EDIL3: variants seen among roughly 807,000 people sequenced by gnomAD.
EDIL3 encodes the protein EGF like and discoidin domains 3.
Under a neutral mutation model 67.4 loss-of-function variants are expected in EDIL3, and 37 were observed. That is an observed-to-expected ratio of 0.55 (90% CI 0.42 to 0.72). The LOEUF is 0.72. Among genes scored for constraint, EDIL3 ranks in the 30% least tolerant of loss-of-function variants. The probability of loss-of-function intolerance (pLI) is 0.00; values close to 1 mark genes in which losing one functional copy is unlikely to be tolerated. For missense variants in EDIL3, 527 were observed against 586.3 expected, an observed-to-expected ratio of 0.90 and a Z score of 1.04; for synonymous variants, 195 against 196.3, an observed-to-expected ratio of 0.99 and a Z score of 0.05.
At chr5:84,382,799 G>A (rs1256485663) in intron 1 of EDIL3, among the ~76,000 whole-genome samples, 1 of 152,046 alleles carries the variant, frequency 6.6e-6, no homozygotes, top group Non-Finnish European at 1.5e-5. Flanking sequence ...CCTATTAACT[G>A]GAAGGGCACT....
chr5:84,260,937 C>A (rs1561238223), intron 1 of EDIL3, among the ~76,000 whole-genome samples: 1 of 152,188 alleles, frequency 6.6e-6, no homozygotes, highest in Non-Finnish European at 1.5e-5. Context: ...CATTGCAATA[C>A]ATACTTACAT....
At chr5:84,330,986 G>A (rs1414525297) in intron 1 of EDIL3, among the ~76,000 whole-genome samples, 3 of 152,216 alleles carry the variant, frequency 2.0e-5, no homozygotes, top group Non-Finnish European at 4.4e-5. Context: ...TGGAGTCAAA[G>A]AAGATCATTT....
rs535702041 is a variant in EDIL3 at position 84,049,787 on chromosome 5, G to C, written c.1137+10513C>G. On this transcript the variant is annotated intron_variant, in intron 9 of 10. Coordinates refer to ENST00000296591, the MANE Select transcript of EDIL3 (RefSeq NM_005711.5). ...ACACAGAGGTCTGAGAAATGCCTCT[G>C]TTTAGGGCTGCCTGAGGCCCTCACA... Among the ~76,000 whole-genome samples the C allele has an allele frequency of 2.0e-5, 3 of 152,244 alleles. No homozygotes were observed. In the South Asian group the frequency reaches 6.2e-4, roughly 32 times the overall value.
chr5:84,139,838 A>G (rs1748158792), intron 4 of EDIL3, among the ~76,000 whole-genome samples: 2 of 152,188 alleles, frequency 1.3e-5, no homozygotes, highest in Non-Finnish European at 2.9e-5. Context: ...TATAGATGAC[A>G]GTCAATTTCC....
chr5:83,954,231 T>C (rs1452347591), intron 10 of EDIL3, among the ~76,000 whole-genome samples: 1 of 151,700 alleles, frequency 6.6e-6, no homozygotes, highest in East Asian at 1.9e-4. Context: ...ATATTAGTTG[T>C]TTGGTGATTA....
intron 4 of EDIL3, among the ~76,000 whole-genome samples, chr5:84,152,762 T>A (rs1748420219): frequency 1.3e-5 from 2 of 152,184 alleles, no homozygotes; most frequent in Non-Finnish European, 2.9e-5. Context: ...AGCTACAGAG[T>A]TATCTTTAGA....
chr5:84,189,749 A>ATATACATT (rs1179570674), intron 3 of EDIL3, among the ~76,000 whole-genome samples: 1 of 152,064 alleles, frequency 6.6e-6, no homozygotes, highest in Non-Finnish European at 1.5e-5. Flanking sequence ...GTTATTCTGC[A>ATATACATT]TATACATTTT....
At chr5:83,983,780 T>G (rs1745012899) in intron 9 of EDIL3, among the ~76,000 whole-genome samples, 2 of 147,938 alleles carry the variant, frequency 1.4e-5, no homozygotes, top group South Asian at 2.1e-4. Flanking sequence ...TCAATCTGAG[T>G]TTAAATCAAG....
At chr5:84,241,907 C>A (rs915058706) in intron 2 of EDIL3, among the ~76,000 whole-genome samples, 2 of 152,056 alleles carry the variant, frequency 1.3e-5, no homozygotes, top group Admixed American at 1.3e-4. Context: ...AAGATCCTTA[C>A]ATATATTGAA....
chr5:84,140,591 C>T (rs1041535753), intron 4 of EDIL3, among the ~76,000 whole-genome samples: 3 of 141,252 alleles, frequency 2.1e-5, no homozygotes, highest in African/African-American at 8.0e-5. Flanking sequence ...CACCTTTACC[C>T]AGAGGTTAAG....
At chr5:84,091,077 A>T (rs528853042) in intron 6 of EDIL3, among the ~76,000 whole-genome samples, 2 of 152,346 alleles carry the variant, frequency 1.3e-5, no homozygotes, top group Admixed American at 1.3e-4. Context: ...CCCTCAAAAT[A>T]AAAGGGAACT....
chr5:84,032,831 T>C (rs530314581), intron 9 of EDIL3, among the ~76,000 whole-genome samples: 1 of 152,338 alleles, frequency 6.6e-6, no homozygotes, highest in South Asian at 2.1e-4. Context: ...CAATATGCTG[T>C]TATGTTTCTC....
At chr5:84,234,115 T>C (rs557905032) in intron 2 of EDIL3, among the ~76,000 whole-genome samples, 28 of 152,294 alleles carry the variant, frequency 1.8e-4, no homozygotes, top group African/African-American at 6.7e-4. Context: ...TTAGAATGCA[T>C]AAGAAATTAA....
chr5:84,248,613 G>A (rs1250816340), intron 2 of EDIL3, among the ~76,000 whole-genome samples: 1 of 152,066 alleles, frequency 6.6e-6, no homozygotes, highest in African/African-American at 2.4e-5. Flanking sequence ...CTTAGATAAT[G>A]TCTATCAAAT....
intron 1 of EDIL3, among the ~76,000 whole-genome samples, chr5:84,311,751 G>C (rs1256960414): frequency 6.6e-6 from 1 of 151,996 alleles, no homozygotes; most frequent in East Asian, 1.9e-4. Flanking sequence ...ATTAGGGAGT[G>C]GTGATGACTC....
intron 9 of EDIL3, among the ~76,000 whole-genome samples, chr5:84,035,569 T>TA (rs1161856075): frequency 7.2e-5 from 11 of 152,198 alleles, no homozygotes; most frequent in Admixed American, 2.6e-4. Flanking sequence ...ATGCAATCAC[T>TA]TTATTTAAAA....
At chr5:83,982,516 T>C (rs1744987196) in intron 9 of EDIL3, among the ~76,000 whole-genome samples, 1 of 152,120 alleles carries the variant, frequency 6.6e-6, no homozygotes, top group Non-Finnish European at 1.5e-5. Flanking sequence ...AAATATTTCC[T>C]CCTTTTTCTG....
intron 1 of EDIL3, among the ~76,000 whole-genome samples, chr5:84,311,307 ATTTTCTTTTTTT>A (rs1380335636): frequency 5.4e-4 from 56 of 102,796 alleles, no homozygotes; most frequent in South Asian, 2.0e-3. Flanking sequence ...TATTCAATGT[ATTTTCTTTTTTT>A]TTTTCTTTTT....
intron 9 of EDIL3, among the ~76,000 whole-genome samples, chr5:83,981,934 G>A (rs1355370221): frequency 6.6e-6 from 1 of 151,412 alleles, no homozygotes; most frequent in Non-Finnish European, 1.5e-5. Flanking sequence ...AAATAAATAT[G>A]GCAAAAAAAC....
Sources: gnomAD v4.1 joint callset for allele counts (sites outside exome capture counted in the v4.1 genomes callset) on GRCh38, gnomAD v4.1.1 for gene constraint, MANE v1.5 for transcripts, NCBI Gene and HGNC (gene_info 2026-07-23, HGNC 2026-07-21) for gene names.